Variants in SPIRE1 observed in about 807,000 individuals in gnomAD.
The protein encoded by SPIRE1 is spire type actin nucleation factor 1.
SPIRE1 carries 40 observed loss-of-function variants against 94.1 expected under a neutral mutation model. The observed-to-expected ratio is 0.43, with a 90% CI of 0.33 to 0.55. The LOEUF is 0.55. SPIRE1 is among the 20% of genes least tolerant of loss of function. The pLI, the probability that SPIRE1 is intolerant of heterozygous loss-of-function variation, is 0.06. For synonymous variants in SPIRE1, 376 were observed against 371.7 expected (o/e 1.01, Z -0.13); for missense variants, 838 against 975.2 (o/e 0.86, Z 1.87).
chr18:12,642,830 C>T (rs1367939686), intron 1 of SPIRE1, among the ~76,000 whole-genome samples: 2 of 152,124 alleles, frequency 1.3e-5, no homozygotes, highest in East Asian at 3.9e-4. Context: ...GGCTTAAAAC[C>T]TAGATCACGG....
At chr18:12,625,648 G>A (rs1046476270) in intron 2 of SPIRE1, among the ~76,000 whole-genome samples, 6 of 152,182 alleles carry the variant, frequency 3.9e-5, no homozygotes, top group Non-Finnish European at 7.3e-5. Context: ...AGTTGTGCAT[G>A]CATGCAAATA....
intron 1 of SPIRE1, among the ~76,000 whole-genome samples, 188 bp downstream of exon 1, chr18:12,657,342 G>A (rs1307082552): frequency 7.9e-6 from 1 of 127,350 alleles, no homozygotes; most frequent in Non-Finnish European, 1.9e-5. Flanking sequence ...TCTGACCTCC[G>A]AGGGGCCCCG....
intron 12 of SPIRE1, among the ~76,000 whole-genome samples, chr18:12,460,673 T>C (rs2031750170): frequency 6.6e-6 from 1 of 151,540 alleles, no homozygotes; most frequent in Non-Finnish European, 1.5e-5. Context: ...GATTGAGCCA[T>C]TGCACTCCAG....
chr18:12,505,261 T>C (rs1220829365), intron 6 of SPIRE1, among the ~76,000 whole-genome samples: 1 of 152,092 alleles, frequency 6.6e-6, no homozygotes, highest in Non-Finnish European at 1.5e-5. Flanking sequence ...AGAAGATATT[T>C]TGGCCAAGTG....
intron 2 of SPIRE1, among the ~76,000 whole-genome samples, chr18:12,600,512 T>G (rs2036802504): frequency 1.3e-5 from 2 of 151,850 alleles, no homozygotes. Context: ...CATTAACTAG[T>G]TTTAACAACC....
chr18:12,600,860 A>AG (rs2036814200), intron 2 of SPIRE1, among the ~76,000 whole-genome samples: 1 of 99,240 alleles, frequency 1.0e-5, no homozygotes, highest in Non-Finnish European at 2.6e-5. Flanking sequence ...GAGTACAAGG[A>AG]CCACAGTGTA....
At chr18:12,585,086 G>C (rs1409482077) in intron 2 of SPIRE1, among the ~76,000 whole-genome samples, 1 of 152,100 alleles carries the variant, frequency 6.6e-6, no homozygotes, top group African/African-American at 2.4e-5. Context: ...TTACAGGCGT[G>C]AGCTACCACG....
intron 1 of SPIRE1, among the ~76,000 whole-genome samples, chr18:12,643,084 T>C (rs1303831066): frequency 1.3e-5 from 2 of 152,160 alleles, no homozygotes; most frequent in African/African-American, 4.8e-5. Flanking sequence ...GTATATGTAG[T>C]AAAGGATAAA....
intron 4 of SPIRE1, among the ~76,000 whole-genome samples, chr18:12,534,947 T>A (rs920579166): frequency 4.6e-5 from 7 of 152,250 alleles, no homozygotes; most frequent in African/African-American, 7.2e-5. Flanking sequence ...TAACATGTAC[T>A]GAGCTCTCAC....
chr18:12,467,454 T>C (rs915528086), intron 10 of SPIRE1, among the ~76,000 whole-genome samples: 13 of 152,176 alleles, frequency 8.5e-5, no homozygotes, highest in African/African-American at 2.9e-4. Flanking sequence ...TCTTTTTCTG[T>C]TTACAGAAGG....
chr18:12,636,433 C>G (rs527340286), intron 1 of SPIRE1: 1 of 150,518 alleles, frequency 6.6e-6, no homozygotes, highest in South Asian at 2.1e-4. Context: ...AGAAAAATCA[C>G]AAATAATAGC....
chr18:12,555,703 G>A (rs1247660504), intron 2 of SPIRE1, among the ~76,000 whole-genome samples: 1 of 152,170 alleles, frequency 6.6e-6, no homozygotes, highest in Non-Finnish European at 1.5e-5. Flanking sequence ...AGTAACTCAT[G>A]GCTAGTATCA....
intron 4 of SPIRE1, among the ~76,000 whole-genome samples, chr18:12,528,741 G>A (rs2034596858): frequency 6.6e-6 from 1 of 152,220 alleles, no homozygotes; most frequent in Non-Finnish European, 1.5e-5. Context: ...ACCAATGCGT[G>A]AGGCAAGGTA....
intron 13 of SPIRE1, among the ~76,000 whole-genome samples, chr18:12,453,784 G>A (rs1302446238): frequency 6.6e-6 from 1 of 151,708 alleles, no homozygotes; most frequent in Non-Finnish European, 1.5e-5. Flanking sequence ...ATGACTAAAT[G>A]CACACATGGC....
At chr18:12,467,811 T>C (rs1213398218) in intron 10 of SPIRE1, among the ~76,000 whole-genome samples, 1 of 152,130 alleles carries the variant, frequency 6.6e-6, no homozygotes, top group Non-Finnish European at 1.5e-5. Context: ...AAGCTGGGTG[T>C]GGTGGCATGT....
At chr18:12,506,757 A>C in intron 5 of SPIRE1, 116 bp from the exon 6 acceptor site, 2 of 1,033,358 alleles carry the variant, frequency 1.9e-6, no homozygotes, top group Non-Finnish European at 1.4e-6. Flanking sequence ...GTAAACCAAC[A>C]AAAAACTATT....
chr18:12,507,431 G>A (rs1221396432), intron 5 of SPIRE1, among the ~76,000 whole-genome samples: 1 of 152,114 alleles, frequency 6.6e-6, no homozygotes, highest in African/African-American at 2.4e-5. Flanking sequence ...GGGTGCAATG[G>A]GTCACACCTG....
chr18:12,594,552 T>C (rs576427430), intron 2 of SPIRE1, among the ~76,000 whole-genome samples: 7 of 152,326 alleles, frequency 4.6e-5, no homozygotes, highest in African/African-American at 1.4e-4. Flanking sequence ...ATCACACATA[T>C]GTCCATAAGA....
At chr18:12,611,596 T>C (rs531076996) in intron 2 of SPIRE1, among the ~76,000 whole-genome samples, 2 of 152,328 alleles carry the variant, frequency 1.3e-5, no homozygotes, top group African/African-American at 4.8e-5. Context: ...GCTAAGCCAT[T>C]CCTGAATTCC....
Sources: allele counts gnomAD v4.1 joint callset (sites outside exome capture counted in the v4.1 genomes callset), GRCh38; gene constraint gnomAD v4.1.1; transcripts MANE v1.5; gene names NCBI Gene and HGNC (gene_info 2026-07-23, HGNC 2026-07-21).